FGF8: variants seen among roughly 807,000 people sequenced by gnomAD.
FGF8 encodes androgen-induced growth factor.
FGF8 carries 12 observed loss-of-function variants against 29.7 expected under a neutral mutation model. That is an observed-to-expected ratio of 0.40 (90% CI 0.26 to 0.65). FGF8 has a LOEUF of 0.65. Among genes scored for constraint, FGF8 ranks in the 30% least tolerant of loss-of-function variants. FGF8 has a pLI of 0.37. For missense variants in FGF8, 271 were observed against 345.1 expected (o/e 0.79, Z 1.70); for synonymous variants, 157 against 144.4 (o/e 1.09, Z -0.63).
chr10:101,771,650 A>G lies in FGF8; in HGVS notation c.338-81T>C. 1 of 1,119,008 alleles carries G rather than the reference A, an allele frequency of 8.9e-7. No homozygotes were observed. 69.3% of individuals were successfully genotyped at this position (1,119,008 alleles called of 1,614,324 possible). A position where few individuals can be genotyped will look rare whatever the true frequency, so the allele number is the denominator to read the frequency against. On this transcript the variant is annotated intron_variant, in intron 4 of 5. Transcript: ENST00000320185. This position sits in a 1 kb window ranked among gnomAD's most constrained non-coding sequence, Gnocchi z 5.3. ...ACACACTTGTCACAGCCCAGCAGCA[A>G]CTGCTCCAAAGACCAGGAACCCAAA... is the stretch of plus-strand genomic sequence containing the variant.
At position 101,770,141 on chromosome 10, in the gene FGF8, TAA is replaced by T. The variant is rs11322844; in HGVS notation, c.*186_*187del. Reference sequence around the variant, plus strand: ...CAAAAATAGAGCCTCTCTTTTGTTTTAAAAAAAAAAAAAAAAAAAAAAACAGC... The same window carrying T: ...CAAAAATAGAGCCTCTCTTTTGTTTTAAAAAAAAAAAAAAAAAAAAACAGC... On this transcript the variant is annotated 3_prime_UTR_variant, in exon 6 of 6. Transcript: ENST00000320185. 29,025 of 382,198 alleles carry T rather than the reference TAA, an allele frequency of 0.076. 2 individuals are homozygous for T. The highest frequency in any genetic ancestry group is 0.12 in the South Asian group (2,167 of 18,488). 23.7% of individuals were successfully genotyped at this position (382,198 alleles called of 1,614,324 possible). A position where few individuals can be genotyped will look rare whatever the true frequency, so the allele number is the denominator to read the frequency against.
rs774503381 is a variant in FGF8, at chr10:101,771,558, C to A, written c.349G>T (p.Val117Leu). The A allele has an allele frequency of 4.3e-6, 7 of 1,614,102 alleles. No homozygotes were observed. Among genetic ancestry groups the A allele is most frequent in the Non-Finnish European group, 5.9e-6 (7 of 1,179,938 alleles). Residue 117 changes from valine (V) to leucine (L), a missense_variant, in exon 5 of 6, where the codon GTG (valine) becomes TTG (leucine). By Grantham distance (32) the Val-to-Leu change is conservative (BLOSUM62 1). Around this residue, in one of 3 missense-constraint regions of FGF8, gnomAD observed 168 missense variants for 207.0 expected, o/e 0.81. Coordinates refer to ENST00000320185, the MANE Select transcript of FGF8 (RefSeq NM_033163.5). The surrounding 1 kb of genome is among the most constrained non-coding windows in gnomAD (Gnocchi z 5.3). The stretch of plus-strand genomic sequence containing the variant: ...CTGCTTCCAAAGGTGTCCGTCTCCA[C>A]GATGAGCTTTGCTGTCAGAGAAGGT... The part of the protein sequence containing the change: ...EDGDPFAKLI[V>L]ETDTFGSRVR...
chr10:101,775,854 C>A lies in FGF8; in HGVS notation c.32+15G>T, dbSNP rs1307088182. 6.6e-7 allele frequency: 1 copy of A among 1,505,976 alleles called. No individual in the cohort carries two copies. The highest frequency in any genetic ancestry group is 8.8e-7 in the Non-Finnish European group (1 of 1,132,460). 93.3% of individuals were successfully genotyped at this position (1,505,976 alleles called of 1,614,324 possible). ...GCGGGGGGCGGGTGGCGGGGCAGGG[C>A]GGCGCGGTACTCACAGGCAGCTCAG... On this transcript the variant is annotated intron_variant, in intron 1 of 5. Transcript: ENST00000320185. This position sits in a 1 kb window ranked among gnomAD's most constrained non-coding sequence, Gnocchi z 4.6.
chr10:101,774,574 C>T (rs534279539), intron 4 of FGF8, among the ~76,000 whole-genome samples, 158 bp downstream of exon 4: 28 of 152,338 alleles, frequency 1.8e-4, no homozygotes, highest in African/African-American at 6.7e-4. Flanking sequence ...CCCGAGGCCC[C>T]TTCCCTAGCC....
Position 101,770,250 on chromosome 10 carries a change from C to T in FGF8, c.*79G>A. On this transcript the variant is annotated 3_prime_UTR_variant, in exon 6 of 6. Transcript: ENST00000320185. Reference sequence around the variant, plus strand: ...CCCCAGCCTGCAGAGCAGCGCACAGCTCATCTTGCTTGAGTTTTGGGTGCC... The same window carrying T: ...CCCCAGCCTGCAGAGCAGCGCACAGTTCATCTTGCTTGAGTTTTGGGTGCC... The T allele has an allele frequency of 7.2e-7, 1 of 1,395,132 alleles. No homozygotes were observed. Among genetic ancestry groups the T allele is most frequent in the Non-Finnish European group, 9.7e-7 (1 of 1,028,780 alleles). 86.4% of individuals were successfully genotyped at this position (1,395,132 alleles called of 1,614,324 possible). A position where few individuals can be genotyped will look rare whatever the true frequency, so the allele number is the denominator to read the frequency against.
rs1312348359 is a variant in FGF8, at chr10:101,775,247, G to A, written c.70-31C>T. On this transcript the variant is annotated intron_variant, in intron 2 of 5. Transcript: ENST00000320185. This position sits in a 1 kb window ranked among gnomAD's most constrained non-coding sequence, Gnocchi z 4.6. Reference sequence around the variant, plus strand: ...GGAGCAGGGCGCTTTTAAGTAGGGAGGCAGCCCTCCCCGACCCCTGACATT... The same window carrying A: ...GGAGCAGGGCGCTTTTAAGTAGGGAAGCAGCCCTCCCCGACCCCTGACATT... 2 of 1,443,136 alleles carry A rather than the reference G, an allele frequency of 1.4e-6. No individual in the cohort carries two copies. The highest frequency in any genetic ancestry group is 2.0e-5 in the Admixed American group (1 of 50,832). The allele number at this position is 1,443,136 out of a possible 1,614,324, so 89.4% of individuals were successfully genotyped here.
chr10:101,775,672 GACCGGCGCTGCCCACCCGGGTCTCAC>G lies in FGF8; in HGVS notation c.69+42_69+67del. ...CCGCAGAGTCAGTCCCGGTGCCCCC[GACCGGCGCTGCCCACCCGGGTCTCAC>G]ACCGGCGCGCCCGGCCCCCGCCTCC... On this transcript the variant is annotated intron_variant, in intron 2 of 5. Coordinates refer to ENST00000320185, the MANE Select transcript of FGF8 (RefSeq NM_033163.5). This position sits in a 1 kb window ranked among gnomAD's most constrained non-coding sequence, Gnocchi z 4.6. 6.6e-7 allele frequency: 1 copy of G among 1,515,418 alleles called. No homozygotes were observed. Among genetic ancestry groups the G allele is most frequent in the Non-Finnish European group, 8.9e-7 (1 of 1,127,034 alleles). The allele number at this position is 1,515,418 out of a possible 1,614,324, so 93.9% of individuals were successfully genotyped here. A position where few individuals can be genotyped will look rare whatever the true frequency, so the allele number is the denominator to read the frequency against.
upstream of FGF8, among the ~76,000 whole-genome samples, chr10:101,779,370 G>A (rs1482376211): frequency 6.6e-6 from 1 of 152,238 alleles, no homozygotes; most frequent in Non-Finnish European, 1.5e-5. The surrounding 1 kb of genome is among the most constrained non-coding windows in gnomAD (Gnocchi z 5.7). Context: ...GGCAAACCCC[G>A]GCGTATGCCT....
chr10:101,778,584 C>A (rs936618418), upstream of FGF8, among the ~76,000 whole-genome samples: 2 of 152,250 alleles, frequency 1.3e-5, no homozygotes, highest in African/African-American at 4.8e-5. Context: ...TGCCAGGGAG[C>A]CTGTGCTGGA....
rs1293075432 is a variant in FGF8 at position 101,775,930 on chromosome 10, G to A, written c.-30C>T. 2 of 1,208,548 alleles carry A rather than the reference G, an allele frequency of 1.7e-6. No homozygotes were observed. Among genetic ancestry groups the A allele is most frequent in the African/African-American group, 3.2e-5 (2 of 62,450 alleles). The allele number at this position is 1,208,548 out of a possible 1,614,324, so 74.9% of individuals were successfully genotyped here. A position where few individuals can be genotyped will look rare whatever the true frequency, so the allele number is the denominator to read the frequency against. ...CGCGGCCCCGGGGCACCGAGAGCCCGGCGGGTCACGCCGTCCCGCGGGCCG... is the reference window on the plus strand; with the variant it reads ...CGCGGCCCCGGGGCACCGAGAGCCCAGCGGGTCACGCCGTCCCGCGGGCCG... On this transcript the variant is annotated 5_prime_UTR_variant, in exon 1 of 6. Transcript: ENST00000320185. This position sits in a 1 kb window ranked among gnomAD's most constrained non-coding sequence, Gnocchi z 4.6.
chr10:101,775,506 G>T lies in FGF8; in HGVS notation c.69+234C>A. The stretch of plus-strand genomic sequence containing the variant: ...CGAGGATGCATGGGGGACAGTGCTG[G>T]GCTCCGAGACCTTCGTTTCTATCCT... On this transcript the variant is annotated intron_variant, in intron 2 of 5. Coordinates refer to ENST00000320185, the MANE Select transcript of FGF8 (RefSeq NM_033163.5). The surrounding 1 kb of genome is among the most constrained non-coding windows in gnomAD (Gnocchi z 4.6). 4.9e-6 allele frequency: 3 copies of T among 610,108 alleles called. No homozygotes were observed. Among genetic ancestry groups the T allele is most frequent in the Non-Finnish European group, 2.9e-6 (1 of 345,442 alleles). The allele number at this position is 610,108 out of a possible 1,614,324, so 37.8% of individuals were successfully genotyped here.
intron 4 of FGF8, 41 bp downstream of exon 4, chr10:101,774,691 A>T: frequency 2.6e-6 from 4 of 1,567,912 alleles, no homozygotes; most frequent in Middle Eastern, 2.3e-4. Flanking sequence ...CTGGTGGTCC[A>T]GGCGCCGCGC....
At chr10:101,779,776 A>G (rs893566375), upstream of FGF8, among the ~76,000 whole-genome samples, 1 of 152,186 alleles carries the variant, frequency 6.6e-6, no homozygotes, top group African/African-American at 2.4e-5. The surrounding 1 kb of genome is among the most constrained non-coding windows in gnomAD (Gnocchi z 5.7). Flanking sequence ...CCTCCTGCCA[A>G]GCACGTGCCG....
At chr10:101,773,603 A>G (rs2065051755) in intron 4 of FGF8, among the ~76,000 whole-genome samples, 1 of 152,222 alleles carries the variant, frequency 6.6e-6, no homozygotes. Flanking sequence ...TGACAGATTT[A>G]TCCCAGGAAA....
chr10:101,774,865 C>G lies in FGF8; in HGVS notation c.204G>C (p.Gln68His), dbSNP rs2065068821. The part of the protein sequence containing the change: ...SPNFTQHVRE[Q>H]SLVTDQLSRR... ...GGCTGAGCTGATCCGTCACCAGGCT[C>G]TGCTCCCTCACATGCTGTGTAAAAT... The change falls in exon 4 of 6, where the codon CAG (glutamine) becomes CAC (histidine). Residue 68 changes from glutamine to histidine, a missense_variant. Gln to His is a conservative substitution (Grantham distance 24). Around this residue, in one of 3 missense-constraint regions of FGF8, gnomAD observed 168 missense variants for 207.0 expected, o/e 0.81. Transcript: ENST00000320185. 3 of 1,614,098 alleles carry G rather than the reference C, an allele frequency of 1.9e-6. No homozygotes were observed. The highest frequency in any genetic ancestry group is 2.5e-6 in the Non-Finnish European group (3 of 1,180,040).
chr10:101,777,186 C>T (rs776010100), upstream of FGF8, among the ~76,000 whole-genome samples: 5 of 152,120 alleles, frequency 3.3e-5, no homozygotes, highest in Non-Finnish European at 7.4e-5. Context: ...CCTTTCCTAG[C>T]CCCCCACCTT....
Position 101,770,132 on chromosome 10 carries a change from CTT to C in FGF8, c.*195_*196del. ...AGTGGAATACAAAAATAGAGCCTCTCTTTTGTTTTAAAAAAAAAAAAAAAAAA... is the reference window on the plus strand; with the variant it reads ...AGTGGAATACAAAAATAGAGCCTCTCTTGTTTTAAAAAAAAAAAAAAAAAA... On this transcript the variant is annotated 3_prime_UTR_variant, in exon 6 of 6. Coordinates refer to ENST00000320185, the MANE Select transcript of FGF8 (RefSeq NM_033163.5). 1 of 532,160 alleles carries C rather than the reference CTT, an allele frequency of 1.9e-6. No individual in the cohort carries two copies. Among genetic ancestry groups the C allele is most frequent in the Non-Finnish European group, 3.2e-6 (1 of 314,774 alleles). 33.0% of individuals were successfully genotyped at this position (532,160 alleles called of 1,614,324 possible).
At position 101,772,014 on chromosome 10, in the gene FGF8, T is replaced by G. The variant is rs2065034033; in HGVS notation, c.338-445A>C. On this transcript the variant is annotated intron_variant, in intron 4 of 5. Transcript: ENST00000320185. The surrounding 1 kb of genome is among the most constrained non-coding windows in gnomAD (Gnocchi z 4.4). ...GTGTCTCACAGGTCATTACAAACACTTGGGTGAAGGGGTGACCTCCAGTCC... is the reference window on the plus strand; with the variant it reads ...GTGTCTCACAGGTCATTACAAACACGTGGGTGAAGGGGTGACCTCCAGTCC... Among the ~76,000 whole-genome samples, 1 of 152,242 alleles carries G rather than the reference T, an allele frequency of 6.6e-6. No homozygotes were observed. Among genetic ancestry groups the G allele is most frequent in the Non-Finnish European group, 1.5e-5 (1 of 68,032 alleles).
At chr10:101,779,205 G>A (rs975602423), upstream of FGF8, among the ~76,000 whole-genome samples, 1 of 152,112 alleles carries the variant, frequency 6.6e-6, no homozygotes, top group Non-Finnish European at 1.5e-5. The surrounding 1 kb of genome is among the most constrained non-coding windows in gnomAD (Gnocchi z 5.7). Flanking sequence ...AGCTCGCTCC[G>A]ACGCGCGCTT....
Sources: gnomAD v4.1 joint callset for allele counts (sites outside exome capture counted in the v4.1 genomes callset) on GRCh38, gnomAD v4.1.1 for gene constraint, gnomAD v4.1.1 regional missense constraint, Gnocchi (gnomAD v3.1) non-coding constraint, MANE v1.5 for transcripts, NCBI Gene and HGNC (gene_info 2026-07-23, HGNC 2026-07-21) for gene names.